The following CENPS variants were observed in gnomAD, a reference collection of about 807,000 sequenced individuals.
CENPS encodes the protein centromere protein S.
CENPS carries 16 observed loss-of-function variants against 17.9 expected under a neutral mutation model. That is an observed-to-expected ratio of 0.90 (90% CI 0.61 to 1.36). CENPS has a LOEUF of 1.36. Ranked by LOEUF, CENPS falls within the 40% of genes most tolerant of loss-of-function variation. The pLI is 0.00. For synonymous variants in CENPS, 49 were observed against 55.8 expected (o/e 0.88, Z 0.54); for missense variants, 160 against 158.6 (o/e 1.01, Z -0.05).
chr1:10,435,105 G>T (rs1640092357), intron 3 of CENPS, among the ~76,000 whole-genome samples: 1 of 152,138 alleles, frequency 6.6e-6, no homozygotes, highest in Non-Finnish European at 1.5e-5. Context: ...TTGCTTGCAG[G>T]TGTACACAGA....
At chr1:10,432,900 A>C (rs1639985399) in intron 1 of CENPS, among the ~76,000 whole-genome samples, 1 of 152,068 alleles carries the variant, frequency 6.6e-6, no homozygotes, top group African/African-American at 2.4e-5. Context: ...GGCTTCTCCT[A>C]CCAGAGGCCT....
chr1:10,438,934 C>T (rs1640293622), intron 3 of CENPS, among the ~76,000 whole-genome samples: 1 of 152,192 alleles, frequency 6.6e-6, no homozygotes, highest in South Asian at 2.1e-4. Context: ...TTAACATTCT[C>T]CACCCAGAAC....
At chr1:10,440,689 C>T (rs1053526682) in intron 4 of CENPS, among the ~76,000 whole-genome samples, 1 of 152,226 alleles carries the variant, frequency 6.6e-6, no homozygotes, top group Non-Finnish European at 1.5e-5. Flanking sequence ...TCATTTACAA[C>T]ATGATGTCAG....
chr1:10,440,850 C>A (rs1381188849), intron 4 of CENPS, among the ~76,000 whole-genome samples: 1 of 150,448 alleles, frequency 6.6e-6, no homozygotes. Flanking sequence ...TTTGACCAAG[C>A]CTCCGTTGTT....
intron 1 of CENPS, chr1:10,430,820 G>C: frequency 7.4e-7 from 1 of 1,349,964 alleles, no homozygotes; most frequent in South Asian, 1.9e-5. Flanking sequence ...GCCGGGGTCC[G>C]GCGGCGAGAG....
At chr1:10,431,757 G>T (rs1161381686) in intron 1 of CENPS, among the ~76,000 whole-genome samples, 1 of 151,572 alleles carries the variant, frequency 6.6e-6, no homozygotes, top group African/African-American at 2.4e-5. Context: ...GGGACGTTGA[G>T]GCAGGGGAAT....
intron 3 of CENPS, among the ~76,000 whole-genome samples, chr1:10,438,503 A>G (rs1251383396): frequency 6.6e-6 from 1 of 152,206 alleles, no homozygotes; most frequent in Non-Finnish European, 1.5e-5. Flanking sequence ...ATTGTTAACA[A>G]TCAAACATTT....
Position 10,435,744 on chromosome 1 carries a change from T to C in CENPS, c.209+1054T>C, listed in dbSNP as rs1367554191. The stretch of plus-strand genomic sequence containing the variant: ...ACACACACACACACACACATATACA[T>C]AAATATTTATATTAGAGACACAGCG... On this transcript the variant is annotated intron_variant, in intron 3 of 4. Coordinates refer to ENST00000309048, the MANE Select transcript of CENPS (RefSeq NM_199294.3). 1.6e-3 allele frequency among the ~76,000 whole-genome samples: 153 copies of C among 94,422 alleles called. 1 individual carries two copies. The highest frequency in any genetic ancestry group is 4.0e-3 in the African/African-American group (108 of 27,086). 61.9% of individuals were successfully genotyped at this position (94,422 alleles called of 152,430 possible).
At chr1:10,431,541 T>G in intron 1 of CENPS, 1 of 1,139,530 alleles carries the variant, frequency 8.8e-7, no homozygotes, top group South Asian at 1.5e-5. Context: ...ACATTTTAAT[T>G]CTTTAGTACA....
intron 3 of CENPS, 110 bp from the exon 4 acceptor site, chr1:10,440,237 G>C: frequency 7.2e-7 from 1 of 1,393,236 alleles, no homozygotes; most frequent in Non-Finnish European, 9.6e-7. Context: ...AAAAGGATGG[G>C]CTACTTAGAG....
intron 1 of CENPS, 149 bp from the exon 2 acceptor site, chr1:10,433,690 CTTA>C (rs1640023591): frequency 2.9e-6 from 4 of 1,402,420 alleles, no homozygotes; most frequent in Non-Finnish European, 2.9e-6. Context: ...GTCTCATTAA[CTTA>C]TTAGTACACT....
At chr1:10,437,670 T>G (rs1370109510) in intron 3 of CENPS, among the ~76,000 whole-genome samples, 1 of 151,882 alleles carries the variant, frequency 6.6e-6, no homozygotes, top group Non-Finnish European at 1.5e-5. Context: ...TTGGCCAGGT[T>G]GGTCTCAAAC....
At chr1:10,440,323 G>T in intron 3 of CENPS, 24 bp from the exon 4 acceptor site, 2 of 1,610,240 alleles carry the variant, frequency 1.2e-6, no homozygotes, top group Non-Finnish European at 1.7e-6. Context: ...ACATTTTGGT[G>T]ACTTGCTTCT....
chr1:10,440,103 C>T (rs1187020218), intron 3 of CENPS: 5 of 525,462 alleles, frequency 9.5e-6, no homozygotes, highest in South Asian at 5.1e-5. Flanking sequence ...TCTTATGCTT[C>T]GGGTACCCTT....
intron 1 of CENPS, chr1:10,431,187 C>T (rs925153528): frequency 2.0e-6 from 3 of 1,485,916 alleles, no homozygotes; most frequent in African/African-American, 1.4e-5. Context: ...TCATCAGCGC[C>T]GGGCATATGG....
intron 1 of CENPS, chr1:10,431,313 C>T (rs1319708858): frequency 2.0e-6 from 3 of 1,535,222 alleles, no homozygotes; most frequent in Non-Finnish European, 2.6e-6. Flanking sequence ...GCGGGAGTTT[C>T]CTCTCTACAA....
chr1:10,442,016 G>T (rs116942203), intron 4 of CENPS, among the ~76,000 whole-genome samples: 3,131 of 152,088 alleles, frequency 0.021, 80 homozygotes, highest in Middle Eastern at 0.1. Flanking sequence ...AGGCAGGATG[G>T]CTTGAGCCCA....
rs1056204903 is a variant in CENPS, at chr1:10,430,470, C to G, written c.-48C>G. The G allele has an allele frequency of 7.5e-5, 115 of 1,529,994 alleles. No individual in the cohort carries two copies. The highest frequency in any genetic ancestry group is 9.6e-5 in the Non-Finnish European group (109 of 1,139,368). 94.8% of individuals were successfully genotyped at this position (1,529,994 alleles called of 1,614,324 possible). A position where few individuals can be genotyped will look rare whatever the true frequency, so the allele number is the denominator to read the frequency against. On this transcript the variant is annotated 5_prime_UTR_variant, in exon 1 of 5. Coordinates refer to ENST00000309048, the MANE Select transcript of CENPS (RefSeq NM_199294.3). ...GAAAATCCGACCTGGCCGCGCACCA[C>G]CGCCCCTTCTCGGCCCTCCTGCGTT...
chr1:10,436,192 G>T (rs1488455460), intron 3 of CENPS, among the ~76,000 whole-genome samples: 1 of 151,106 alleles, frequency 6.6e-6, no homozygotes, highest in Non-Finnish European at 1.5e-5. Flanking sequence ...TGGCCAGGGC[G>T]GTCTTGAACT....
Sources: gnomAD v4.1 joint callset for allele counts (sites outside exome capture counted in the v4.1 genomes callset) on GRCh38, gnomAD v4.1.1 for gene constraint, MANE v1.5 for transcripts, NCBI Gene and HGNC (gene_info 2026-07-23, HGNC 2026-07-21) for gene names.